The following EIF3M variants were observed in gnomAD, a reference collection of about 807,000 sequenced individuals.
EIF3M encodes the protein eukaryotic translation initiation factor 3 subunit M, also known as B5 receptor.
EIF3M carries 25 observed loss-of-function variants against 49.7 expected under a neutral mutation model. That is an observed-to-expected ratio of 0.50 (90% confidence interval 0.37 to 0.70). EIF3M has a LOEUF of 0.70. Ranked by LOEUF, EIF3M falls within the 30% of genes least tolerant of loss-of-function variation. EIF3M has a pLI of 0.00. For missense variants in EIF3M, 350 were observed against 440.0 expected (o/e 0.80, Z 1.83); for synonymous variants, 156 against 149.8 (o/e 1.04, Z -0.30).
intron 5 of EIF3M, chr11:32,592,733 T>A: frequency 2.0e-6 from 1 of 501,120 alleles, no homozygotes; most frequent in East Asian, 5.4e-5. Context: ...TAAACAGTTT[T>A]TTTTAGCTGC....
Position 32,602,831 on chromosome 11 carries a change from T to G in EIF3M, c.*432T>G, listed in dbSNP as rs775446427. The G allele has an allele frequency of 2.0e-5, 32 of 1,598,594 alleles. No homozygotes were observed. The highest frequency in any genetic ancestry group is 2.6e-5 in the Non-Finnish European group (30 of 1,173,176). On this transcript the variant is annotated 3_prime_UTR_variant, in exon 11 of 11. Transcript: ENST00000531120. ...CTACATTATTTTAATCTGTTGTTTT[T>G]TTCCAACGTCTCTTCTGCTTTTCTT... is the stretch of plus-strand genomic sequence containing the variant.
chr11:32,588,388 G>GAAAAAAAAAAAAAAAAAA (rs71463359), intron 2 of EIF3M, among the ~76,000 whole-genome samples: 2 of 93,060 alleles, frequency 2.1e-5, no homozygotes, highest in Non-Finnish European at 4.3e-5. Context: ...GACTTCATCT[G>GAAAAAAAAAAAAAAAAAA]AAAAAAAAAA....
intron 5 of EIF3M, among the ~76,000 whole-genome samples, chr11:32,593,305 G>A (rs1369864633): frequency 6.6e-6 from 1 of 152,204 alleles, no homozygotes; most frequent in Non-Finnish European, 1.5e-5. Context: ...ATTTACTCCA[G>A]TGAAACTGAT....
rs1590534451 is a variant in EIF3M, at chr11:32,603,076, A to G, written c.*677A>G. 7.2e-7 allele frequency: 1 copy of G among 1,397,838 alleles called. No individual in the cohort carries two copies. Among genetic ancestry groups the G allele is most frequent in the Non-Finnish European group, 9.9e-7 (1 of 1,014,474 alleles). 86.6% of individuals were successfully genotyped at this position (1,397,838 alleles called of 1,614,324 possible). On this transcript the variant is annotated 3_prime_UTR_variant, in exon 11 of 11. Transcript: ENST00000531120. ...AATTATTATACAAAAGATTTTAAAG[A>G]GTCTGTAAAGCCTCTGCAGTTATGA...
At position 32,589,111 on chromosome 11, in the gene EIF3M, G is replaced by T. The variant is rs1205487629; in HGVS notation, c.414G>T (p.Gln138His). 2.5e-6 allele frequency: 4 copies of T among 1,614,100 alleles called. No individual in the cohort carries two copies. In the South Asian group the frequency reaches 4.4e-5, roughly 18 times the overall value. The change falls in exon 4 of 11, where the codon CAG becomes CAT. Residue 138 changes from glutamine to histidine, a missense_variant. Gln to His is a conservative substitution (Grantham distance 24). Coordinates refer to ENST00000531120, the MANE Select transcript of EIF3M (RefSeq NM_006360.6). The part of the protein sequence containing the change: ...IKVAASCGAI[Q>H]YIPTELDQVR... ...TGGCAGCATCTTGTGGGGCCATCCA[G>T]TACATCCCAACTGAGCTGGATCAAG...
intron 10 of EIF3M, chr11:32,602,051 T>C (rs1425546911): frequency 3.5e-6 from 3 of 866,916 alleles, no homozygotes; most frequent in African/African-American, 3.4e-5. Context: ...GCTAGAATAC[T>C]AATGACTTTT....
chr11:32,586,490 C>T (rs1006756962), intron 1 of EIF3M, among the ~76,000 whole-genome samples: 1 of 152,124 alleles, frequency 6.6e-6, no homozygotes, highest in Non-Finnish European at 1.5e-5. Context: ...ACCGCATTGC[C>T]CTTTTGTGAA....
At chr11:32,590,608 T>C (rs559660412) in intron 5 of EIF3M, among the ~76,000 whole-genome samples, 2 of 152,106 alleles carry the variant, frequency 1.3e-5, no homozygotes, top group Non-Finnish European at 2.9e-5. Flanking sequence ...GGGCACTGAG[T>C]GGATAAATGC....
chr11:32,587,818 G>A (rs1273192775), intron 2 of EIF3M, among the ~76,000 whole-genome samples: 1 of 152,122 alleles, frequency 6.6e-6, no homozygotes, highest in Non-Finnish European at 1.5e-5. Flanking sequence ...TTAAGGTTTA[G>A]AGATCAAACT....
intron 8 of EIF3M, among the ~76,000 whole-genome samples, chr11:32,599,319 T>TC (rs1474650433): frequency 6.6e-6 from 1 of 152,022 alleles, no homozygotes; most frequent in Admixed American, 6.6e-5. Context: ...CCTGTAGATT[T>TC]CCATTAAACC....
rs889030226 is a variant in EIF3M, at chr11:32,605,790, C to T, written c.*3391C>T. ...CTTACCTGAGGGTTCTGCAGCCTAC[C>T]GCAGTAATTTTAGTTCTAGCTGTTT... is the stretch of plus-strand genomic sequence containing the variant. On this transcript the variant is annotated 3_prime_UTR_variant, in exon 11 of 11. Transcript: ENST00000531120. The T allele has an allele frequency of 1.5e-5, 2 of 129,408 alleles. No homozygotes were observed. The highest frequency in any genetic ancestry group is 2.3e-4 in the South Asian group (1 of 4,256). 8.0% of individuals were successfully genotyped at this position (129,408 alleles called of 1,614,324 possible). A position where few individuals can be genotyped will look rare whatever the true frequency, so the allele number is the denominator to read the frequency against.
chr11:32,593,455 A>G (rs552512), intron 5 of EIF3M, among the ~76,000 whole-genome samples: 97,466 of 151,946 alleles, frequency 0.64, 31,825 homozygotes, highest in African/African-American at 0.67. Flanking sequence ...GGGCCTTTAT[A>G]CTTGGTTTTC....
chr11:32,584,127 C>T, intron 1 of EIF3M, 198 bp downstream of exon 1: 2 of 640,806 alleles, frequency 3.1e-6, no homozygotes, highest in East Asian at 2.9e-5. Flanking sequence ...GGTCCCAGCG[C>T]GGGGCCCGAC....
At chr11:32,587,277 T>C (rs1855016098) in intron 2 of EIF3M, 133 bp downstream of exon 2, 1 of 902,980 alleles carries the variant, frequency 1.1e-6, no homozygotes. Context: ...TGACTGTATT[T>C]ATATGTTTTG....
In EIF3M at chr11:32,588,784, TACTA is replaced by T. The variant is rs373235607; in HGVS notation, c.314+56_314+59del. 6.8e-6 allele frequency: 11 copies of T among 1,609,542 alleles called. No homozygotes were observed. The African/African-American group carries it at 1.5e-4, about 22-fold the overall frequency. On this transcript the variant is annotated intron_variant, in intron 3 of 10. Transcript: ENST00000531120. Reference sequence around the variant, plus strand: ...GTTTTTCTAGGTGCTTTTTTCATGTTACTAACTTTTAATGGTGCAGAGCAGGAAT... The same window carrying T: ...GTTTTTCTAGGTGCTTTTTTCATGTTACTTTTAATGGTGCAGAGCAGGAAT...
At chr11:32,590,284 A>T (rs1855080117) in intron 5 of EIF3M, among the ~76,000 whole-genome samples, 1 of 152,208 alleles carries the variant, frequency 6.6e-6, no homozygotes, top group Admixed American at 6.5e-5. Context: ...ATTCATTTAC[A>T]TATTGTCTGT....
Position 32,605,095 on chromosome 11 carries a change from A to G in EIF3M, c.*2696A>G, listed in dbSNP as rs1590536570. ...TCTCGAACGCCTGACCTCATGATCCACCTGCCTCGGCCTCCCAAAGTGTTG... is the reference window on the plus strand; with the variant it reads ...TCTCGAACGCCTGACCTCATGATCCGCCTGCCTCGGCCTCCCAAAGTGTTG... On this transcript the variant is annotated 3_prime_UTR_variant, in exon 11 of 11. Transcript: ENST00000531120. 1 of 144,288 alleles carries G rather than the reference A, an allele frequency of 6.9e-6. No homozygotes were observed. Among genetic ancestry groups the G allele is most frequent in the Admixed American group, 7.1e-5 (1 of 14,180 alleles). 8.9% of individuals were successfully genotyped at this position (144,288 alleles called of 1,614,324 possible).
At chr11:32,594,766 A>T in intron 6 of EIF3M, 148 bp from the exon 7 acceptor site, 2 of 599,154 alleles carry the variant, frequency 3.3e-6, no homozygotes, top group Non-Finnish European at 5.6e-6. Context: ...GCCTGTCTTA[A>T]CCCAATCCTG....
chr11:32,602,146 C>A, intron 10 of EIF3M, 133 bp from the exon 11 acceptor site: 1 of 1,289,052 alleles, frequency 7.8e-7, no homozygotes, highest in South Asian at 1.4e-5. Context: ...TTATGTAATT[C>A]TTAAATTCTC....
Sources: allele counts gnomAD v4.1 joint callset (sites outside exome capture counted in the v4.1 genomes callset), GRCh38; gene constraint gnomAD v4.1.1; transcripts MANE v1.5; gene names NCBI Gene and HGNC (gene_info 2026-07-23, HGNC 2026-07-21).